The following INVS variants were observed in gnomAD, a reference collection of about 807,000 sequenced individuals.
INVS encodes the protein inversin.
Under a neutral mutation model 108.8 loss-of-function variants are expected in INVS, and 86 were observed. The observed-to-expected ratio is 0.79, with a 90% confidence interval of 0.66 to 0.95. INVS has a LOEUF of 0.95. INVS is among the 40% of genes least tolerant of loss of function. INVS has a pLI of 0.00. For synonymous variants in INVS, 455 were observed against 473.5 expected, an observed-to-expected ratio of 0.96 and a Z score of 0.51; for missense variants, 1,169 against 1,297.4, an observed-to-expected ratio of 0.90 and a Z score of 1.52.
chr9:100,218,033 C>A (rs1453658208), intron 3 of INVS, among the ~76,000 whole-genome samples: 1 of 151,930 alleles, frequency 6.6e-6, no homozygotes, highest in East Asian at 1.9e-4. Context: ...AATCATGTTT[C>A]TATTTTTCCA....
chr9:100,187,042 A>G (rs1034662579), intron 3 of INVS, among the ~76,000 whole-genome samples: 1 of 152,068 alleles, frequency 6.6e-6, no homozygotes, highest in African/African-American at 2.4e-5. Flanking sequence ...GTATATGGTG[A>G]GAGATAGGGA....
chr9:100,188,622 C>CTGTA (rs1830123530), intron 3 of INVS, among the ~76,000 whole-genome samples: 1 of 146,282 alleles, frequency 6.8e-6, no homozygotes. Flanking sequence ...GGCTATTGGT[C>CTGTA]TGTAGTTTCT....
At chr9:100,146,679 T>G (rs977527389) in intron 3 of INVS, among the ~76,000 whole-genome samples, 2 of 152,346 alleles carry the variant, frequency 1.3e-5, no homozygotes, top group African/African-American at 4.8e-5. Context: ...TAAATGAGTC[T>G]AGAGTTTAAA....
At chr9:100,189,741 TTTTA>T (rs1020199418) in intron 3 of INVS, among the ~76,000 whole-genome samples, 1 of 152,104 alleles carries the variant, frequency 6.6e-6, no homozygotes, top group African/African-American at 2.4e-5. Context: ...TTCTTTTTTC[TTTTA>T]TTTATTTATT....
At chr9:100,151,417 T>C (rs1357282688) in intron 3 of INVS, among the ~76,000 whole-genome samples, 1 of 152,032 alleles carries the variant, frequency 6.6e-6, no homozygotes, top group African/African-American at 2.4e-5. Context: ...AGGTTGAGGC[T>C]GCAGTAAGCC....
At chr9:100,213,940 G>T (rs568742215) in intron 3 of INVS, among the ~76,000 whole-genome samples, 1 of 152,296 alleles carries the variant, frequency 6.6e-6, no homozygotes, top group South Asian at 2.1e-4. Flanking sequence ...AGAACGTTTA[G>T]GAATGCTTCA....
intron 3 of INVS, among the ~76,000 whole-genome samples, chr9:100,199,463 T>C (rs1251577293): frequency 6.6e-6 from 1 of 152,194 alleles, no homozygotes; most frequent in African/African-American, 2.4e-5. Context: ...CTGTTTTCTT[T>C]TTCTCTTTTG....
At position 100,191,113 on chromosome 9, in the gene INVS, G is replaced by A. The variant is rs77694093; in HGVS notation, c.274-34949G>A. 5.9e-3 allele frequency among the ~76,000 whole-genome samples: 898 copies of A among 152,120 alleles called. 61 individuals are homozygous for A. In the East Asian group the frequency reaches 0.14, roughly 23 times the overall value. ...TGGTCTCAAGTAGTCCTCCCACCTC[G>A]GCCTCCCGAAGTGGTATTACAGGCA... On this transcript the variant is annotated intron_variant, in intron 3 of 16. Coordinates refer to ENST00000262457, the MANE Select transcript of INVS (RefSeq NM_014425.5).
chr9:100,121,708 T>C (rs1236041670), intron 2 of INVS, among the ~76,000 whole-genome samples: 1 of 151,188 alleles, frequency 6.6e-6, no homozygotes, highest in East Asian at 1.9e-4. Context: ...TTGCTCTCTG[T>C]TCTTATTTTT....
intron 3 of INVS, among the ~76,000 whole-genome samples, chr9:100,146,819 G>A (rs1429490231): frequency 6.6e-6 from 1 of 152,168 alleles, no homozygotes; most frequent in Non-Finnish European, 1.5e-5. Context: ...TCTGTTGTGT[G>A]TATATACCGC....
At chr9:100,240,905 T>C (rs1485920804) in intron 6 of INVS, among the ~76,000 whole-genome samples, 2 of 152,148 alleles carry the variant, frequency 1.3e-5, no homozygotes, top group Non-Finnish European at 2.9e-5. Flanking sequence ...TTGATGTTGT[T>C]ATTTGATTTT....
At chr9:100,212,322 A>G (rs909865152) in intron 3 of INVS, among the ~76,000 whole-genome samples, 4 of 152,208 alleles carry the variant, frequency 2.6e-5, no homozygotes, top group Non-Finnish European at 5.9e-5. Context: ...TTATATTTCA[A>G]GAAGGGTGTA....
At chr9:100,248,922 A>G (rs1275983656) in intron 8 of INVS, among the ~76,000 whole-genome samples, 1 of 152,036 alleles carries the variant, frequency 6.6e-6, no homozygotes, top group African/African-American at 2.4e-5. Context: ...AATAGTAATA[A>G]TAAGATGGGA....
At chr9:100,164,503 C>T (rs1829296850) in intron 3 of INVS, among the ~76,000 whole-genome samples, 2 of 152,094 alleles carry the variant, frequency 1.3e-5, no homozygotes, top group Non-Finnish European at 2.9e-5. Flanking sequence ...CATGTATCAT[C>T]ACTCAGCTTC....
intron 3 of INVS, among the ~76,000 whole-genome samples, chr9:100,195,765 G>A (rs1408467563): frequency 1.3e-5 from 2 of 152,198 alleles, no homozygotes; most frequent in Non-Finnish European, 1.5e-5. Context: ...TGGGATTACA[G>A]GCGTGAGCCA....
intron 3 of INVS, among the ~76,000 whole-genome samples, chr9:100,178,293 A>C (rs1099910): frequency 0.49 from 73,821 of 151,964 alleles, 19,039 homozygotes; most frequent in East Asian, 0.9. Flanking sequence ...ATGAATTGAC[A>C]GAAGTAGGCT....
At position 100,108,810 on chromosome 9, in the gene INVS, C is replaced by G. The variant is rs76848731; in HGVS notation, c.106+4183C>G. ...TTAAATCGAACACTTTCTGTGCTGC[C>G]CATTGTCCTGGAGGAGGACTGGAGA... On this transcript the variant is annotated intron_variant, in intron 2 of 16. Coordinates refer to ENST00000262457, the MANE Select transcript of INVS (RefSeq NM_014425.5). 2.9e-3 allele frequency among the ~76,000 whole-genome samples: 437 copies of G among 152,278 alleles called. 4 individuals are homozygous for G. The highest frequency in any genetic ancestry group is 0.01 in the African/African-American group (420 of 41,552).
intron 3 of INVS, among the ~76,000 whole-genome samples, chr9:100,142,953 G>A (rs1588034480): frequency 6.6e-6 from 1 of 152,140 alleles, no homozygotes; most frequent in South Asian, 2.1e-4. Context: ...AGCCGGAGAC[G>A]ATAATCAGGG....
At chr9:100,134,316 C>T (rs894888100) in intron 3 of INVS, among the ~76,000 whole-genome samples, 1 of 152,164 alleles carries the variant, frequency 6.6e-6, no homozygotes, top group African/African-American at 2.4e-5. Context: ...TATATCTATA[C>T]ACCAGAGTTT....
Sources: allele counts gnomAD v4.1 joint callset (sites outside exome capture counted in the v4.1 genomes callset), GRCh38; gene constraint gnomAD v4.1.1; transcripts MANE v1.5; gene names NCBI Gene and HGNC (gene_info 2026-07-23, HGNC 2026-07-21).